The following ADK variants were observed in gnomAD, a reference collection of about 807,000 sequenced individuals.
ADK encodes N6,N6-dimethyladenosine kinase.
In ADK, 24 loss-of-function variants were observed where a neutral mutation model predicts 44.7. That is an observed-to-expected ratio of 0.54 (90% CI 0.39 to 0.76). The LOEUF (loss-of-function observed/expected upper bound fraction) is 0.76. Among genes scored for constraint, ADK ranks in the 30% least tolerant of loss-of-function variants. ADK has a pLI of 0.00. For synonymous variants in ADK, 128 were observed against 142.6 expected (o/e 0.90, Z 0.73); for missense variants, 321 against 425.1 (o/e 0.76, Z 2.15).
intron 6 of ADK, among the ~76,000 whole-genome samples, chr10:74,498,050 C>T (rs558096809): frequency 4.6e-5 from 7 of 152,078 alleles, no homozygotes; most frequent in Admixed American, 1.3e-4. Context: ...CCACCACGCC[C>T]GGCTAATTTT....
At chr10:74,233,302 T>C (rs985844212) in intron 3 of ADK, among the ~76,000 whole-genome samples, 3 of 152,216 alleles carry the variant, frequency 2.0e-5, no homozygotes, top group African/African-American at 7.2e-5. Context: ...GTTCTGTTAA[T>C]AGGGAAACTG....
rs201137909 is a variant in ADK, at chr10:74,547,434, A to G, written c.726+22008A>G. Among the ~76,000 whole-genome samples the G allele has an allele frequency of 1.6e-3, 197 of 126,620 alleles. 4 individuals are homozygous for G. The East Asian group carries it at 0.035, about 23-fold the overall frequency. The allele number at this position is 126,620 out of a possible 152,430, so 83.1% of individuals were successfully genotyped here. A position where few individuals can be genotyped will look rare whatever the true frequency, so the allele number is the denominator to read the frequency against. On this transcript the variant is annotated intron_variant, in intron 7 of 10. Coordinates refer to ENST00000539909, the MANE Select transcript of ADK (RefSeq NM_006721.4). ...TTTTACATCATTTTTCCCACTTTAT[A>G]TATATATATATATTTATTTATTTAT...
chr10:74,655,879 A>G, intron 9 of ADK: 1 of 618,484 alleles, frequency 1.6e-6, no homozygotes, highest in South Asian at 1.6e-5. Flanking sequence ...CTGGCAAAGA[A>G]TGCTTCTACC....
intron 2 of ADK, among the ~76,000 whole-genome samples, chr10:74,205,924 A>G (rs1005871640): frequency 3.3e-5 from 5 of 152,208 alleles, no homozygotes; most frequent in Admixed American, 2.0e-4. Flanking sequence ...ATATGGGTAT[A>G]TAACGTATCA....
rs574706096 is a variant in ADK at position 74,519,220 on chromosome 10, G to A, written c.556-6036G>A. ...TTTTACATATATACCAGTGAATTACGTCACTAAACTTTCAATGTCAAAATA... is the reference window on the plus strand; with the variant it reads ...TTTTACATATATACCAGTGAATTACATCACTAAACTTTCAATGTCAAAATA... On this transcript the variant is annotated intron_variant, in intron 6 of 10. Transcript: ENST00000539909. 1.1e-4 allele frequency among the ~76,000 whole-genome samples: 16 copies of A among 151,706 alleles called. No homozygotes were observed. In the East Asian group the frequency reaches 1.4e-3, roughly 13 times the overall value.
chr10:74,391,021 A>G (rs1392252404), intron 4 of ADK, among the ~76,000 whole-genome samples: 1 of 152,126 alleles, frequency 6.6e-6, no homozygotes, highest in Admixed American at 6.6e-5. Flanking sequence ...CCTAGTTCCC[A>G]ACAGCATCAA....
intron 9 of ADK, among the ~76,000 whole-genome samples, chr10:74,603,332 C>T (rs1589289362): frequency 6.6e-6 from 1 of 152,018 alleles, no homozygotes; most frequent in Admixed American, 6.6e-5. Flanking sequence ...TAGTTATACA[C>T]ATGCCATGGT....
At chr10:74,435,164 T>C (rs749279151) in intron 6 of ADK, among the ~76,000 whole-genome samples, 7 of 152,166 alleles carry the variant, frequency 4.6e-5, no homozygotes, top group Non-Finnish European at 1.0e-4. Context: ...AAGGAAGATA[T>C]GATAGAACAG....
At chr10:74,242,465 G>T (rs978292250) in intron 3 of ADK, among the ~76,000 whole-genome samples, 1 of 152,182 alleles carries the variant, frequency 6.6e-6, no homozygotes, top group Non-Finnish European at 1.5e-5. Flanking sequence ...ATATTTTAGT[G>T]TGTTATTTTA....
At chr10:74,469,279 C>T (rs543080743) in intron 6 of ADK, among the ~76,000 whole-genome samples, 3 of 152,252 alleles carry the variant, frequency 2.0e-5, no homozygotes, top group Admixed American at 6.5e-5. Flanking sequence ...TTTGATGCTG[C>T]GGTGAACTGT....
chr10:74,454,898 A>G (rs1411432774), intron 6 of ADK, among the ~76,000 whole-genome samples: 3 of 152,170 alleles, frequency 2.0e-5, no homozygotes, highest in African/African-American at 7.2e-5. Flanking sequence ...AGAGGGTACC[A>G]TTCACATAAG....
intron 10 of ADK, among the ~76,000 whole-genome samples, chr10:74,689,890 A>C (rs1176616770): frequency 6.6e-6 from 1 of 152,132 alleles, no homozygotes; most frequent in African/African-American, 2.4e-5. Context: ...GTGGTTCTCA[A>C]ACTTGAGCGT....
At chr10:74,228,157 T>C (rs1844616809) in intron 3 of ADK, among the ~76,000 whole-genome samples, 1 of 152,394 alleles carries the variant, frequency 6.6e-6, no homozygotes, top group South Asian at 2.1e-4. Context: ...TAGTCACTGA[T>C]GCTTCACGAG....
chr10:74,163,427 C>G (rs1248863969), intron 1 of ADK, among the ~76,000 whole-genome samples: 2 of 152,180 alleles, frequency 1.3e-5, no homozygotes, highest in Admixed American at 1.3e-4. Flanking sequence ...TCTCTTTTCT[C>G]TGTGTTAGCA....
chr10:74,442,675 G>A (rs1043504484), intron 6 of ADK, among the ~76,000 whole-genome samples: 5 of 151,906 alleles, frequency 3.3e-5, no homozygotes, highest in East Asian at 1.9e-4. Context: ...TTAAATAAAC[G>A]GAAATGAAAT....
Position 74,301,660 on chromosome 10 carries a change from T to G in ADK, c.195-13007T>G, listed in dbSNP as rs192223522. Among the ~76,000 whole-genome samples the G allele has an allele frequency of 3.9e-5, 6 of 152,184 alleles. No individual in the cohort carries two copies. The East Asian group carries it at 1.2e-3, about 29-fold the overall frequency. ...TATTCCTAAATTTGTCAGTAAAAGT[T>G]TTTTGTTTTATAAGTACCTAGATAA... On this transcript the variant is annotated intron_variant, in intron 3 of 10. Transcript: ENST00000539909.
intron 6 of ADK, among the ~76,000 whole-genome samples, chr10:74,399,186 C>T (rs576559768): frequency 7.6e-4 from 115 of 151,078 alleles, no homozygotes; most frequent in South Asian, 2.7e-3. Context: ...AATTAATCAC[C>T]CCATGATTAC....
Position 74,243,143 on chromosome 10 carries a change from C to T in ADK, c.194+18552C>T, listed in dbSNP as rs560923423. Among the ~76,000 whole-genome samples, 35 of 152,336 alleles carry T rather than the reference C, an allele frequency of 2.3e-4. No individual in the cohort carries two copies. The South Asian group carries it at 5.2e-3, about 23-fold the overall frequency. Reference sequence around the variant, plus strand: ...AGCTGTTAACATGCACACAGACAGACGGCAGAGCTAAAAGACCACTGTAAC... The same window carrying T: ...AGCTGTTAACATGCACACAGACAGATGGCAGAGCTAAAAGACCACTGTAAC... On this transcript the variant is annotated intron_variant, in intron 3 of 10. Coordinates refer to ENST00000539909, the MANE Select transcript of ADK (RefSeq NM_006721.4).
chr10:74,191,679 A>G (rs1842956882), intron 1 of ADK, among the ~76,000 whole-genome samples: 1 of 152,190 alleles, frequency 6.6e-6, no homozygotes, highest in African/African-American at 2.4e-5. Context: ...CCCCAATGAT[A>G]TATCTTTTAT....
Sources: allele counts gnomAD v4.1 joint callset (sites outside exome capture counted in the v4.1 genomes callset), GRCh38; gene constraint gnomAD v4.1.1; transcripts MANE v1.5; gene names NCBI Gene and HGNC (gene_info 2026-07-23, HGNC 2026-07-21).